Variants in FBXL2 observed in about 807,000 individuals in gnomAD.
FBXL2 encodes the protein F-box/LRR-repeat protein 2.
In FBXL2, 38 loss-of-function variants were observed where a neutral mutation model predicts 69.2. That is an observed-to-expected ratio of 0.55 (90% confidence interval 0.42 to 0.72). FBXL2 has a LOEUF of 0.72. FBXL2 is among the 30% of genes least tolerant of loss of function. FBXL2 has a pLI of 0.00. For missense variants in FBXL2, 354 were observed against 520.3 expected, an observed-to-expected ratio of 0.68 and a Z score of 3.11; for synonymous variants, 192 against 201.3, an observed-to-expected ratio of 0.95 and a Z score of 0.39.
chr3:33,404,100 A>G (rs1197556318), downstream of FBXL2, among the ~76,000 whole-genome samples: 1 of 152,174 alleles, frequency 6.6e-6, no homozygotes, highest in Non-Finnish European at 1.5e-5. Context: ...GTTTCTACCA[A>G]AAAATAAAAA....
chr3:33,311,065 C>G (rs545051563), intron 2 of FBXL2, among the ~76,000 whole-genome samples: 3 of 152,208 alleles, frequency 2.0e-5, no homozygotes, highest in Non-Finnish European at 4.4e-5. Flanking sequence ...GCATGAGCCA[C>G]CACACCCAGC....
intron 1 of FBXL2, among the ~76,000 whole-genome samples, chr3:33,290,384 A>C (rs1244322201): frequency 6.6e-6 from 1 of 152,230 alleles, no homozygotes; most frequent in Non-Finnish European, 1.5e-5. Flanking sequence ...AGTATCTGGC[A>C]TGAAATAAAT....
intron 1 of FBXL2, among the ~76,000 whole-genome samples, chr3:33,284,743 A>G (rs2034418481): frequency 1.3e-5 from 2 of 152,312 alleles, no homozygotes; most frequent in East Asian, 1.9e-4. Context: ...TATTGGGTGC[A>G]TATATATTTA....
intron 10 of FBXL2, among the ~76,000 whole-genome samples, chr3:33,375,994 T>C (rs1353225797): frequency 1.3e-5 from 2 of 152,094 alleles, no homozygotes; most frequent in Non-Finnish European, 2.9e-5. Flanking sequence ...TCGTCTCTAC[T>C]AAAAATACAA....
At chr3:33,283,424 T>C (rs1220539077) in intron 1 of FBXL2, among the ~76,000 whole-genome samples, 2 of 152,246 alleles carry the variant, frequency 1.3e-5, no homozygotes, top group Non-Finnish European at 2.9e-5. Context: ...GATAAGCTTT[T>C]TGATGTGCTG....
chr3:33,377,992 TAACAG>T (rs2042754514), intron 11 of FBXL2, 106 bp from the exon 12 acceptor site: 8 of 1,034,724 alleles, frequency 7.7e-6, no homozygotes, highest in South Asian at 1.3e-5. Flanking sequence ...GCATACTTCT[TAACAG>T]AAGAGAACAA....
At chr3:33,362,203 G>T (rs780617111) in intron 4 of FBXL2, among the ~76,000 whole-genome samples, 1 of 152,114 alleles carries the variant, frequency 6.6e-6, no homozygotes, top group Non-Finnish European at 1.5e-5. Flanking sequence ...TCCTGAATAC[G>T]TGTAGTTTAC....
At chr3:33,340,526 C>T (rs2039930864) in intron 2 of FBXL2, among the ~76,000 whole-genome samples, 1 of 143,072 alleles carries the variant, frequency 7.0e-6, no homozygotes, top group African/African-American at 2.6e-5. Flanking sequence ...GAAAGGTACT[C>T]AGGAACCAAC....
At chr3:33,408,666 A>G in the FBXL2 span, 1 of 1,594,200 alleles carries the variant, frequency 6.3e-7, no homozygotes, top group Admixed American at 1.8e-5. Flanking sequence ...TTGCACAATG[A>G]AAAGAGAAGC....
At chr3:33,353,094 C>T (rs2040945741) in intron 2 of FBXL2, among the ~76,000 whole-genome samples, 1 of 152,060 alleles carries the variant, frequency 6.6e-6, no homozygotes, top group African/African-American at 2.4e-5. Flanking sequence ...CCACTGTATA[C>T]CTATTAGAAT....
At chr3:33,310,988 G>A (rs2037141219) in intron 2 of FBXL2, among the ~76,000 whole-genome samples, 1 of 152,068 alleles carries the variant, frequency 6.6e-6, no homozygotes, top group Non-Finnish European at 1.5e-5. Context: ...TGATGGCTAG[G>A]CTGGTCATGA....
Position 33,383,994 on chromosome 3 carries a change from G to C in FBXL2, c.957G>C (p.Leu319=), listed in dbSNP as rs768332478. The C allele has an allele frequency of 3.1e-6, 5 of 1,613,968 alleles. No homozygotes were observed. In the South Asian group the frequency reaches 5.5e-5, roughly 18 times the overall value. The change falls in exon 14 of 15, where the codon CTG becomes CTC. Residue 319 remains leucine, a synonymous_variant. Coordinates refer to ENST00000484457, the MANE Select transcript of FBXL2 (RefSeq NM_012157.5). ...CTCATGTCTTCCTGTTCCAGAGCCT[G>C]TCCCACTGTGAACTCATCACAGATG... is the stretch of plus-strand genomic sequence containing the variant. ...IHCPKLQALS[L]SHCELITDDG...
chr3:33,416,956 C>A, the FBXL2 span: 1 of 809,652 alleles, frequency 1.2e-6, no homozygotes, highest in Non-Finnish European at 2.0e-6. Context: ...TAATTTGCTA[C>A]GGAAGCAAAT....
chr3:33,368,075 T>C (rs2042065612), intron 5 of FBXL2, among the ~76,000 whole-genome samples: 1 of 152,238 alleles, frequency 6.6e-6, no homozygotes, highest in South Asian at 2.1e-4. Flanking sequence ...AACATAGTTA[T>C]ACCCTGAATC....
At chr3:33,345,034 T>A (rs952471804) in intron 2 of FBXL2, among the ~76,000 whole-genome samples, 1 of 152,236 alleles carries the variant, frequency 6.6e-6, no homozygotes, top group Non-Finnish European at 1.5e-5. Flanking sequence ...AATGAAAGTC[T>A]TATGTTAACT....
chr3:33,412,748 C>T, the FBXL2 span: 1 of 1,613,654 alleles, frequency 6.2e-7, no homozygotes, highest in Non-Finnish European at 8.5e-7. Context: ...GTCTCCTGGG[C>T]GATTCCACTT....
At position 33,332,097 on chromosome 3, in the gene FBXL2, T is replaced by TA. The variant is rs1192727196; in HGVS notation, c.66-26863dup. 1.2e-4 allele frequency among the ~76,000 whole-genome samples: 18 copies of TA among 151,782 alleles called. 1 individual carries two copies. The highest frequency in any genetic ancestry group is 1.2e-3 in the Admixed American group (18 of 15,248). On this transcript the variant is annotated intron_variant, in intron 2 of 14. Transcript: ENST00000484457. ...GATTAATAAAAATAAATACCTAAATTAAAAAAACCTAGATACAATATAATA... is the reference window on the plus strand; with the variant it reads ...GATTAATAAAAATAAATACCTAAATTAAAAAAAACCTAGATACAATATAATA...
chr3:33,381,205 CTCATA>C (rs2043032565), intron 13 of FBXL2, among the ~76,000 whole-genome samples: 1 of 152,152 alleles, frequency 6.6e-6, no homozygotes, highest in Non-Finnish European at 1.5e-5. Context: ...TCTCCTCAGT[CTCATA>C]TGTTACTGTT....
At chr3:33,300,670 A>C (rs138710414) in intron 2 of FBXL2, 1 of 147,200 alleles carries the variant, frequency 6.8e-6, no homozygotes, top group Admixed American at 6.7e-5. Context: ...CAGACTTTCC[A>C]TTCTCTGTGT....
Sources: allele counts gnomAD v4.1 joint callset (sites outside exome capture counted in the v4.1 genomes callset), GRCh38; gene constraint gnomAD v4.1.1; transcripts MANE v1.5; gene names NCBI Gene and HGNC (gene_info 2026-07-23, HGNC 2026-07-21).